Variants in ERC2 observed in about 807,000 individuals in gnomAD.
The protein encoded by ERC2 is ELKS/RAB6-interacting/CAST family member 2, also known as ERC protein 2.
In ERC2, 42 loss-of-function variants were observed where a neutral mutation model predicts 114.8. The observed-to-expected ratio is 0.37, with a 90% CI of 0.29 to 0.47. The LOEUF is 0.47. ERC2 is among the 20% of genes least tolerant of loss of function. The probability of loss-of-function intolerance (pLI) is 0.99; values close to 1 mark genes in which losing one functional copy is unlikely to be tolerated. For missense variants in ERC2, 939 were observed against 1,150.7 expected (o/e 0.82, Z 2.66); for synonymous variants, 454 against 425.5 (o/e 1.07, Z -0.82).
chr3:56,434,600 G>A lies in ERC2; in HGVS notation c.408C>T (p.Pro136=). 6.2e-7 allele frequency: 1 copy of A among 1,613,990 alleles called. No homozygotes were observed. Among genetic ancestry groups the A allele is most frequent in the Non-Finnish European group, 8.5e-7 (1 of 1,179,894 alleles). The change falls in exon 2 of 18, where the codon CCC becomes CCT. Residue 136 remains proline (P), a synonymous_variant. Coordinates refer to ENST00000288221, the MANE Select transcript of ERC2 (RefSeq NM_015576.3). ...TGTCTCTTACCTGCCTCAACATGGA[G>A]GGGACCTGGTGGTGGTGATGATGGG... ...GSSHHHHHQV[P]SMLRQVRDST... is the part of the protein sequence containing the mutation.
chr3:55,863,959 C>T (rs1192305265), intron 14 of ERC2, among the ~76,000 whole-genome samples: 1 of 149,194 alleles, frequency 6.7e-6, no homozygotes, highest in Non-Finnish European at 1.5e-5. Context: ...CCTATCCTCT[C>T]TGTAACACAC....
At chr3:55,943,476 C>T (rs770215847) in intron 13 of ERC2, among the ~76,000 whole-genome samples, 6 of 150,792 alleles carry the variant, frequency 4.0e-5, no homozygotes, top group African/African-American at 4.9e-5. Flanking sequence ...TTTCAGTGTA[C>T]GAAACCTGAG....
intron 17 of ERC2, among the ~76,000 whole-genome samples, chr3:55,539,992 G>A (rs2054289115): frequency 6.8e-6 from 1 of 147,798 alleles, no homozygotes; most frequent in African/African-American, 2.5e-5. Flanking sequence ...AATATATTTG[G>A]GAAATGCCAA....
chr3:55,951,723 T>C (rs12496072), intron 12 of ERC2, among the ~76,000 whole-genome samples: 14,178 of 151,916 alleles, frequency 0.093, 917 homozygotes, highest in East Asian at 0.24. Flanking sequence ...TACCACAGCA[T>C]TGCCAGGTCA....
chr3:55,538,297 C>A (rs2054130477), intron 17 of ERC2, among the ~76,000 whole-genome samples: 1 of 152,210 alleles, frequency 6.6e-6, no homozygotes, highest in Admixed American at 6.5e-5. Flanking sequence ...AGCCCTGTCT[C>A]TATTTGCAGA....
intron 3 of ERC2, among the ~76,000 whole-genome samples, chr3:56,206,186 CACACACACACACACAT>C (rs938388325): frequency 4.0e-5 from 4 of 99,236 alleles, no homozygotes; most frequent in East Asian, 1.3e-3. Flanking sequence ...GAAAAACACA[CACACACACACACACAT>C]ACACACACAC....
intron 13 of ERC2, among the ~76,000 whole-genome samples, chr3:55,913,974 TC>T (rs2064954427): frequency 6.6e-6 from 1 of 152,030 alleles, no homozygotes; most frequent in South Asian, 2.1e-4. Flanking sequence ...CCAATTTCCT[TC>T]CCTTATTCTT....
At chr3:56,018,807 G>T in intron 8 of ERC2, 87 bp downstream of exon 8, 1 of 1,425,172 alleles carries the variant, frequency 7.0e-7, no homozygotes, top group East Asian at 2.3e-5. Flanking sequence ...AAGAAGAAAA[G>T]CAGGCACATT....
chr3:56,380,135 C>T (rs917659303), intron 2 of ERC2, among the ~76,000 whole-genome samples: 1 of 152,020 alleles, frequency 6.6e-6, no homozygotes, highest in African/African-American at 2.4e-5. Flanking sequence ...AGCAAAATTG[C>T]CCCCTGTTGA....
chr3:55,586,685 G>A (rs748363382), intron 17 of ERC2, among the ~76,000 whole-genome samples: 1 of 151,992 alleles, frequency 6.6e-6, no homozygotes, highest in Non-Finnish European at 1.5e-5. Flanking sequence ...TCTTACCGTA[G>A]GAAAGAAAAT....
At chr3:55,546,208 G>T (rs963227220) in intron 17 of ERC2, among the ~76,000 whole-genome samples, 1 of 152,062 alleles carries the variant, frequency 6.6e-6, no homozygotes, top group Admixed American at 6.5e-5. Context: ...GCACTTCCTG[G>T]GCCTCTTCAT....
intron 14 of ERC2, 40 bp from the exon 15 acceptor site, chr3:55,734,958 A>T: frequency 3.1e-6 from 3 of 983,424 alleles, no homozygotes; most frequent in East Asian, 3.9e-5. Flanking sequence ...TTTGTAAAAT[A>T]AAAAAAAAAA....
At chr3:55,550,754 C>A (rs1022046994) in intron 17 of ERC2, among the ~76,000 whole-genome samples, 4 of 152,086 alleles carry the variant, frequency 2.6e-5, no homozygotes, top group African/African-American at 9.7e-5. Flanking sequence ...CAGTGGCTCA[C>A]GCCTATAATC....
intron 17 of ERC2, among the ~76,000 whole-genome samples, chr3:55,651,014 ATTT>A (rs71096493): frequency 2.7e-4 from 26 of 96,320 alleles, no homozygotes; most frequent in African/African-American, 1.0e-3. Flanking sequence ...CACCCAGCTA[ATTT>A]TTTTTTTTTT....
At chr3:56,277,952 CCT>C (rs1338031132) in intron 3 of ERC2, among the ~76,000 whole-genome samples, 1 of 152,114 alleles carries the variant, frequency 6.6e-6, no homozygotes, top group Non-Finnish European at 1.5e-5. Context: ...CTGTTGGCCC[CCT>C]GACTGTGACT....
At chr3:55,918,096 G>A (rs1361598116) in intron 13 of ERC2, among the ~76,000 whole-genome samples, 1 of 152,006 alleles carries the variant, frequency 6.6e-6, no homozygotes, top group Non-Finnish European at 1.5e-5. Context: ...ATATCATATA[G>A]AGATAAGACA....
chr3:55,770,052 A>G (rs780856061), intron 14 of ERC2, among the ~76,000 whole-genome samples: 9 of 152,188 alleles, frequency 5.9e-5, no homozygotes, highest in Non-Finnish European at 1.2e-4. Context: ...GGGATATAAG[A>G]GAAAGTAATG....
chr3:56,243,910 T>C (rs1012664775), intron 3 of ERC2, among the ~76,000 whole-genome samples: 1 of 152,128 alleles, frequency 6.6e-6, no homozygotes, highest in Non-Finnish European at 1.5e-5. Flanking sequence ...ATCCTTCTGA[T>C]GTAAAGAAAG....
intron 6 of ERC2, among the ~76,000 whole-genome samples, chr3:56,131,192 G>A (rs1460056090): frequency 1.3e-5 from 2 of 152,098 alleles, no homozygotes; most frequent in South Asian, 2.1e-4. Flanking sequence ...TGTTTTGCAG[G>A]TTTATGTCTT....
Sources: gnomAD v4.1 joint callset for allele counts (sites outside exome capture counted in the v4.1 genomes callset) on GRCh38, gnomAD v4.1.1 for gene constraint, MANE v1.5 for transcripts, NCBI Gene and HGNC (gene_info 2026-07-23, HGNC 2026-07-21) for gene names.